The following MED12L variants were observed in gnomAD, a reference collection of about 807,000 sequenced individuals.
The protein encoded by MED12L is mediator complex subunit 12L.
Under a neutral mutation model 281.3 loss-of-function variants are expected in MED12L, and 60 were observed. That is an observed-to-expected ratio of 0.21 (90% CI 0.17 to 0.26). MED12L has a LOEUF of 0.26. Ranked by LOEUF, MED12L falls within the 10% of genes least tolerant of loss-of-function variation. The pLI is 1.00. For missense variants in MED12L, 2,146 were observed against 2,680.9 expected (o/e 0.80, Z 4.41); for synonymous variants, 974 against 987.2 (o/e 0.99, Z 0.25).
In MED12L at chr3:151,176,553, CTTG is replaced by C. The variant is rs1357664983; in HGVS notation, c.1495-8774_1495-8772del. On this transcript the variant is annotated intron_variant, in intron 11 of 44. Coordinates refer to ENST00000687756, the MANE Select transcript of MED12L (RefSeq NM_001393769.1). ...GCTTAATATTGTTCATCATTTTTTT[CTTG>C]TTTATTTTTTTCTGGTCATGGTGCT... 1.4e-4 allele frequency among the ~76,000 whole-genome samples: 11 copies of C among 78,400 alleles called. No homozygotes were observed. In the Admixed American group the frequency reaches 1.7e-3, roughly 12 times the overall value. 51.4% of individuals were successfully genotyped at this position (78,400 alleles called of 152,430 possible).
chr3:151,338,878 G>C, intron 16 of MED12L: 2 of 1,604,630 alleles, frequency 1.2e-6, no homozygotes, highest in African/African-American at 1.3e-5. Context: ...CAAAAGAGAG[G>C]ATGGTTATTT....
At chr3:151,170,577 A>G (rs1009537181) in intron 11 of MED12L, among the ~76,000 whole-genome samples, 2 of 152,068 alleles carry the variant, frequency 1.3e-5, no homozygotes, top group Non-Finnish European at 2.9e-5. Flanking sequence ...CCTGGCCTGG[A>G]ATGTGCTAAT....
rs765582989 is a variant in MED12L, at chr3:151,254,298, G to A, written c.2250+60632G>A. On this transcript the variant is annotated intron_variant, in intron 16 of 44. Transcript: ENST00000687756. ...CAGATAATTATGTCCACAATTTTTG[G>A]ATAAATCAGCATCTTTCATTCACGT... is the stretch of plus-strand genomic sequence containing the variant. 4.4e-4 allele frequency among the ~76,000 whole-genome samples: 67 copies of A among 152,182 alleles called. 1 individual carries two copies. The highest frequency in any genetic ancestry group is 1.0e-3 in the Admixed American group (16 of 15,284).
At chr3:151,108,831 C>T (rs145396095) in intron 2 of MED12L, among the ~76,000 whole-genome samples, 1 of 152,068 alleles carries the variant, frequency 6.6e-6, no homozygotes, top group East Asian at 1.9e-4. Context: ...TTTGAGATGG[C>T]CATTGAAAAT....
chr3:151,204,258 A>G (rs1726057560), intron 16 of MED12L, among the ~76,000 whole-genome samples: 1 of 152,204 alleles, frequency 6.6e-6, no homozygotes, highest in African/African-American at 2.4e-5. Flanking sequence ...ATACCTTTCC[A>G]GGATCTAAAA....
intron 16 of MED12L, among the ~76,000 whole-genome samples, chr3:151,309,515 C>T (rs1292584204): frequency 6.6e-6 from 1 of 152,170 alleles, no homozygotes; most frequent in African/African-American, 2.4e-5. Flanking sequence ...AGTTCCTGCA[C>T]CAGACCCTCC....
At chr3:151,130,737 C>T (rs1715268314) in intron 5 of MED12L, among the ~76,000 whole-genome samples, 1 of 152,232 alleles carries the variant, frequency 6.6e-6, no homozygotes, top group Non-Finnish European at 1.5e-5. Flanking sequence ...CCCAGACGCG[C>T]TTCCTAAGAA....
At chr3:151,407,870 T>C (rs118030108) in intron 39 of MED12L, among the ~76,000 whole-genome samples, 2,602 of 152,302 alleles carry the variant, frequency 0.017, 159 homozygotes, top group East Asian at 0.13. Flanking sequence ...ACGTGATTTT[T>C]TTTGTGGGGA....
intron 11 of MED12L, among the ~76,000 whole-genome samples, chr3:151,172,051 A>T (rs1721498615): frequency 6.6e-6 from 1 of 152,222 alleles, no homozygotes; most frequent in Non-Finnish European, 1.5e-5. Flanking sequence ...GGAAAGGTAG[A>T]GATGAATACA....
In MED12L at chr3:151,086,858, T is replaced by C; in HGVS notation, c.-69T>C. The stretch of plus-strand genomic sequence containing the variant: ...AGGGAGTCTGTCTGCAAAGTGCTGC[T>C]CCCTGGTGCTCAGAGGCGGCTGCTC... On this transcript the variant is annotated 5_prime_UTR_variant, in exon 2 of 45. Transcript: ENST00000687756. 7.8e-7 allele frequency: 1 copy of C among 1,275,966 alleles called. No individual in the cohort carries two copies. Among genetic ancestry groups the C allele is most frequent in the Non-Finnish European group, 1.1e-6 (1 of 916,898 alleles). 79.0% of individuals were successfully genotyped at this position (1,275,966 alleles called of 1,614,324 possible).
In MED12L at chr3:151,372,604, A is replaced by G; in HGVS notation, c.3702A>G (p.Leu1234=). 2 of 1,613,936 alleles carry G rather than the reference A, an allele frequency of 1.2e-6. No homozygotes were observed. The highest frequency in any genetic ancestry group is 1.7e-6 in the Non-Finnish European group (2 of 1,179,838). ...TTGGCAATAACAGTGTCAGCTCTTT[A>G]AAGAATGATGACTTCACCATGAGAG... ...AKIGNNSVSS[L]KNDDFTMRGL... is the part of the protein sequence containing the mutation. Residue 1234 remains leucine, a synonymous_variant, in exon 27 of 45, where the codon TTA becomes TTG. Coordinates refer to ENST00000687756, the MANE Select transcript of MED12L (RefSeq NM_001393769.1).
At chr3:151,261,005 AG>A (rs1053009144) in intron 16 of MED12L, among the ~76,000 whole-genome samples, 3 of 151,954 alleles carry the variant, frequency 2.0e-5, no homozygotes, top group African/African-American at 7.2e-5. Flanking sequence ...TGTGTGTTGC[AG>A]GGCAAGCATG....
intron 16 of MED12L, chr3:151,328,350 A>G (rs1749911651): frequency 6.2e-7 from 1 of 1,612,972 alleles, no homozygotes; most frequent in Non-Finnish European, 8.5e-7. Context: ...TAAGAATCAT[A>G]TACTTTTTTT....
At chr3:151,254,839 T>A (rs1022433821) in intron 16 of MED12L, among the ~76,000 whole-genome samples, 1 of 152,220 alleles carries the variant, frequency 6.6e-6, no homozygotes, top group African/African-American at 2.4e-5. Context: ...CAGGTTGCAA[T>A]TATTGCTGTC....
At chr3:151,217,075 T>C (rs1728384896) in intron 16 of MED12L, among the ~76,000 whole-genome samples, 2 of 152,194 alleles carry the variant, frequency 1.3e-5, no homozygotes, top group Non-Finnish European at 2.9e-5. Flanking sequence ...ACTGTAGCTG[T>C]TATTTTGGAA....
intron 16 of MED12L, among the ~76,000 whole-genome samples, chr3:151,214,801 G>A (rs1027909050): frequency 1.3e-5 from 2 of 152,084 alleles, no homozygotes; most frequent in Non-Finnish European, 2.9e-5. Context: ...ACTCATTTAG[G>A]TATAATCTTA....
intron 5 of MED12L, among the ~76,000 whole-genome samples, chr3:151,135,976 A>G (rs1716082529): frequency 6.6e-6 from 1 of 152,130 alleles, no homozygotes; most frequent in African/African-American, 2.4e-5. Context: ...GGGGGAACAG[A>G]TAGATTCAAA....
At chr3:151,380,304 A>C (rs1162131241) in intron 32 of MED12L, 80 bp downstream of exon 32, 1 of 990,386 alleles carries the variant, frequency 1.0e-6, no homozygotes, top group Admixed American at 2.6e-5. Flanking sequence ...TACTGAGATT[A>C]AATTAATAAG....
At position 151,305,126 on chromosome 3, in the gene MED12L, G is replaced by T. The variant is rs566781583; in HGVS notation, c.2251-44933G>T. On this transcript the variant is annotated intron_variant, in intron 16 of 44. Coordinates refer to ENST00000687756, the MANE Select transcript of MED12L (RefSeq NM_001393769.1). ...GCGCTCCCTGTGTGCTTTTACTACA[G>T]TGGCTCTGCATTGTCTGCATGTCCC... is the stretch of plus-strand genomic sequence containing the variant. Among the ~76,000 whole-genome samples the T allele has an allele frequency of 4.6e-5, 7 of 152,334 alleles. No homozygotes were observed. The East Asian group carries it at 1.4e-3, about 29-fold the overall frequency.
Sources: allele counts gnomAD v4.1 joint callset (sites outside exome capture counted in the v4.1 genomes callset), GRCh38; gene constraint gnomAD v4.1.1; transcripts MANE v1.5; gene names NCBI Gene and HGNC (gene_info 2026-07-23, HGNC 2026-07-21).